ASAP1: variants seen among roughly 807,000 people sequenced by gnomAD.
The protein encoded by ASAP1 is ArfGAP with SH3 domain, ankyrin repeat and PH domain 1, also known as arf-GAP with SH3 domain, ANK repeat and PH domain-containing protein 1.
A neutral mutation model predicts 145.2 loss-of-function variants in ASAP1; 43 were observed. That is an observed-to-expected ratio of 0.30 (90% CI 0.23 to 0.38). ASAP1 has a LOEUF of 0.38. ASAP1 is among the 10% of genes least tolerant of loss of function. The pLI is 1.00. For synonymous variants in ASAP1, 546 were observed against 515.5 expected, an observed-to-expected ratio of 1.06 and a Z score of -0.80; for missense variants, 1,018 against 1,355.3, an observed-to-expected ratio of 0.75 and a Z score of 3.91.
At chr8:130,123,669 C>T (rs2097570112) in intron 18 of ASAP1, among the ~76,000 whole-genome samples, 1 of 152,288 alleles carries the variant, frequency 6.6e-6, no homozygotes, top group South Asian at 2.1e-4. Context: ...CACTGTTGCC[C>T]AGGCTGGAGT....
intron 4 of ASAP1, among the ~76,000 whole-genome samples, chr8:130,235,549 G>A (rs1252786388): frequency 2.0e-5 from 3 of 152,104 alleles, no homozygotes; most frequent in Non-Finnish European, 2.9e-5. Context: ...AAATAAAAGC[G>A]AAAGGGCAGG....
chr8:130,142,906 G>A (rs568225523), intron 13 of ASAP1, among the ~76,000 whole-genome samples: 52 of 152,294 alleles, frequency 3.4e-4, no homozygotes, highest in African/African-American at 1.2e-3. Flanking sequence ...GGGAAAGGTA[G>A]AGGAGGCAGA....
chr8:130,167,697 C>T (rs982056124), intron 10 of ASAP1, 75 bp from the exon 11 acceptor site: 12 of 1,066,570 alleles, frequency 1.1e-5, no homozygotes, highest in Non-Finnish European at 1.7e-5. Flanking sequence ...CCAAAAATAC[C>T]ACTCATCAAA....
chr8:130,397,224 T>C (rs1457497158), intron 2 of ASAP1, among the ~76,000 whole-genome samples: 5 of 152,180 alleles, frequency 3.3e-5, no homozygotes, highest in Admixed American at 2.6e-4. Context: ...CACTGCAACC[T>C]CTGCCTCCCA....
chr8:130,319,875 C>T (rs1823893950), intron 3 of ASAP1, among the ~76,000 whole-genome samples: 1 of 152,138 alleles, frequency 6.6e-6, no homozygotes, highest in African/African-American at 2.4e-5. Context: ...GTGAAAAAGG[C>T]AGAAAATGCA....
intron 18 of ASAP1, among the ~76,000 whole-genome samples, chr8:130,122,223 A>T (rs1189630522): frequency 1.3e-5 from 2 of 152,178 alleles, no homozygotes; most frequent in Non-Finnish European, 2.9e-5. Flanking sequence ...TGTATGACTG[A>T]CTTTTTAATT....
At chr8:130,414,913 C>G (rs1829413619) in intron 1 of ASAP1, among the ~76,000 whole-genome samples, 1 of 152,156 alleles carries the variant, frequency 6.6e-6, no homozygotes. Flanking sequence ...TACGCCACCA[C>G]AGCCCAGCTA....
chr8:130,381,087 T>C (rs1222947103), intron 2 of ASAP1, among the ~76,000 whole-genome samples: 1 of 152,164 alleles, frequency 6.6e-6, no homozygotes, highest in Non-Finnish European at 1.5e-5. Context: ...GATTTTGCCA[T>C]GTCGTCCAGG....
chr8:130,273,267 T>C (rs1028907063), intron 3 of ASAP1, among the ~76,000 whole-genome samples: 33 of 152,098 alleles, frequency 2.2e-4, no homozygotes, highest in African/African-American at 8.0e-4. Flanking sequence ...AAATCTAATA[T>C]GAAGAAAGCC....
chr8:130,145,881 G>A (rs943655603), intron 13 of ASAP1, among the ~76,000 whole-genome samples: 20 of 148,882 alleles, frequency 1.3e-4, no homozygotes, highest in South Asian at 2.1e-4. Flanking sequence ...TCACTCTGTC[G>A]CCCAGGGTGG....
chr8:130,252,874 C>A (rs1264586673), intron 3 of ASAP1, among the ~76,000 whole-genome samples: 1 of 152,176 alleles, frequency 6.6e-6, no homozygotes, highest in Non-Finnish European at 1.5e-5. Context: ...AAAACCCAGA[C>A]TGGAAAGAAG....
chr8:130,179,070 T>C (rs1565056632), intron 9 of ASAP1, 194 bp downstream of exon 9: 1 of 447,872 alleles, frequency 2.2e-6, no homozygotes, highest in African/African-American at 2.0e-5. Context: ...TTTTAAGCCC[T>C]AATTTGAGCT....
chr8:130,391,486 T>A (rs1395838560), intron 2 of ASAP1, among the ~76,000 whole-genome samples: 1 of 152,248 alleles, frequency 6.6e-6, no homozygotes. Context: ...AATAAAGATT[T>A]TTTAAAAAGC....
At chr8:130,423,074 C>T (rs936319518) in intron 1 of ASAP1, among the ~76,000 whole-genome samples, 2 of 152,084 alleles carry the variant, frequency 1.3e-5, no homozygotes, top group Non-Finnish European at 1.5e-5. Flanking sequence ...CCATTGGTTT[C>T]GGTCAGTTTA....
rs370614651 is a variant in ASAP1, at chr8:130,401,846, G to T, written c.59+39C>A. 12 of 1,589,414 alleles carry T rather than the reference G, an allele frequency of 7.5e-6. No individual in the cohort carries two copies. The East Asian group carries it at 2.5e-4, about 33-fold the overall frequency. ...AGAAGAATCCCGCTGTATCTCCCACGCCGAGTTTTCTGGACAGGATGGGCT... is the reference window on the plus strand; with the variant it reads ...AGAAGAATCCCGCTGTATCTCCCACTCCGAGTTTTCTGGACAGGATGGGCT... On this transcript the variant is annotated intron_variant, in intron 2 of 29. Transcript: ENST00000518721.
chr8:130,299,411 T>C (rs1822485552), intron 3 of ASAP1, among the ~76,000 whole-genome samples: 1 of 152,244 alleles, frequency 6.6e-6, no homozygotes, highest in Non-Finnish European at 1.5e-5. Context: ...TCAGCAATAC[T>C]AGTAACTGGA....
chr8:130,155,283 T>C (rs2097656001), intron 12 of ASAP1, among the ~76,000 whole-genome samples: 1 of 152,142 alleles, frequency 6.6e-6, no homozygotes, highest in Non-Finnish European at 1.5e-5. Context: ...TTGACAGAGA[T>C]TGTGACTGAG....
At chr8:130,095,323 C>T (rs1484958869) in intron 24 of ASAP1, among the ~76,000 whole-genome samples, 7 of 129,830 alleles carry the variant, frequency 5.4e-5, no homozygotes, top group Admixed American at 1.7e-4. Context: ...TTTTTTGAGA[C>T]GCAGTTTCAC....
chr8:130,115,749 C>T lies in ASAP1; in HGVS notation c.2065-14G>A. 6.4e-7 allele frequency: 1 copy of T among 1,553,000 alleles called. No individual in the cohort carries two copies. The highest frequency in any genetic ancestry group is 8.9e-7 in the Non-Finnish European group (1 of 1,126,202). On this transcript the variant is annotated splice_polypyrimidine_tract_variant and intron_variant, in intron 22 of 29. Coordinates refer to ENST00000518721, the MANE Select transcript of ASAP1 (RefSeq NM_018482.4). ...AGCCTGGGAAAGCTGGAAGGAACAG[C>T]AAATGTGCACCATTTTAATTTAAAT...
Sources: gnomAD v4.1 joint callset for allele counts (sites outside exome capture counted in the v4.1 genomes callset) on GRCh38, gnomAD v4.1.1 for gene constraint, MANE v1.5 for transcripts, NCBI Gene and HGNC (gene_info 2026-07-23, HGNC 2026-07-21) for gene names.